Variants in SPHKAP observed in about 807,000 individuals in gnomAD.
SPHKAP encodes the protein A-kinase anchor protein SPHKAP.
In SPHKAP, 67 loss-of-function variants were observed where a neutral mutation model predicts 137.5. That is an observed-to-expected ratio of 0.49 (90% CI 0.40 to 0.60). SPHKAP has a LOEUF of 0.60. Among genes scored for constraint, SPHKAP ranks in the 20% least tolerant of loss-of-function variants. The probability of loss-of-function intolerance (pLI) is 0.00; values close to 1 mark genes in which losing one functional copy is unlikely to be tolerated. For synonymous variants in SPHKAP, 813 were observed against 785.3 expected (o/e 1.04, Z -0.59); for missense variants, 2,097 against 2,069.3 (o/e 1.01, Z -0.26).
intron 11 of SPHKAP, among the ~76,000 whole-genome samples, chr2:227,989,254 G>C (rs577515477): frequency 3.9e-5 from 6 of 152,328 alleles, no homozygotes; most frequent in Non-Finnish European, 7.4e-5. Context: ...CTACTGGGAA[G>C]TATTTTATGG....
intron 7 of SPHKAP, among the ~76,000 whole-genome samples, chr2:228,004,854 T>C (rs1694063697): frequency 6.6e-6 from 1 of 152,232 alleles, no homozygotes; most frequent in Non-Finnish European, 1.5e-5. Flanking sequence ...AGTTTCCATG[T>C]AGTTGATTGG....
intron 1 of SPHKAP, among the ~76,000 whole-genome samples, chr2:228,163,999 C>T (rs1700350874): frequency 6.6e-6 from 1 of 152,008 alleles, no homozygotes; most frequent in Admixed American, 6.6e-5. Flanking sequence ...ATATTTGGGT[C>T]AGTGGACTGG....
At chr2:228,003,013 C>T (rs1420630798) in intron 7 of SPHKAP, among the ~76,000 whole-genome samples, 1 of 152,176 alleles carries the variant, frequency 6.6e-6, no homozygotes, top group African/African-American at 2.4e-5. Context: ...ATGCCTCCAG[C>T]TTTGTTCTTT....
rs1227408626 is a variant in SPHKAP at position 228,181,382 on chromosome 2, T to A, written c.32+185A>T. On this transcript the variant is annotated intron_variant, in intron 1 of 11. Coordinates refer to ENST00000392056, the MANE Select transcript of SPHKAP (RefSeq NM_001142644.2). This position sits in a 1 kb window ranked among gnomAD's most constrained non-coding sequence, Gnocchi z 4.3. ...CTCAGCATCGCGCCCTGTGGGGCAG[T>A]TGACAGGGTCCCCTGTAGCTCCAGC... Among the ~76,000 whole-genome samples, 2 of 152,126 alleles carry A rather than the reference T, an allele frequency of 1.3e-5. No homozygotes were observed. The highest frequency in any genetic ancestry group is 3.9e-4 in the East Asian group (2 of 5,144).
chr2:228,092,295 G>A (rs374341365), intron 3 of SPHKAP, among the ~76,000 whole-genome samples: 22 of 139,480 alleles, frequency 1.6e-4, no homozygotes, highest in African/African-American at 4.6e-4. Flanking sequence ...GTGTATACGT[G>A]CACACACACG....
chr2:228,013,681 A>G (rs375364853), intron 7 of SPHKAP, among the ~76,000 whole-genome samples: 1 of 152,236 alleles, frequency 6.6e-6, no homozygotes. Flanking sequence ...ATTTATGTGC[A>G]TTTCCTTATT....
intron 3 of SPHKAP, among the ~76,000 whole-genome samples, chr2:228,032,245 A>C (rs1289185312): frequency 6.6e-6 from 1 of 152,220 alleles, no homozygotes. Context: ...ACAGAAGCCT[A>C]AGGAGCTGAT....
rs138669363 is a variant in SPHKAP, at chr2:228,023,784, C to T, written c.441+1610G>A. Among the ~76,000 whole-genome samples, 107 of 152,276 alleles carry T rather than the reference C, an allele frequency of 7.0e-4. 1 individual carries two copies. The highest frequency in any genetic ancestry group is 3.4e-3 in the Middle Eastern group (1 of 294). ...CTCAGCAGAGTCCAAGTGATTCACA[C>T]GGAGTTGATTCACTTCCAGCGCCAG... On this transcript the variant is annotated intron_variant, in intron 5 of 11. Transcript: ENST00000392056.
intron 1 of SPHKAP, among the ~76,000 whole-genome samples, chr2:228,145,428 C>T (rs1022975608): frequency 1.3e-5 from 2 of 151,968 alleles, no homozygotes; most frequent in Non-Finnish European, 2.9e-5. Context: ...AAAGAAGAAC[C>T]AAACATGCAG....
chr2:228,056,583 CAA>C (rs35406042), intron 3 of SPHKAP, among the ~76,000 whole-genome samples: 30 of 118,136 alleles, frequency 2.5e-4, no homozygotes, highest in African/African-American at 6.4e-4. Context: ...AGTAAATGAG[CAA>C]AAAAAAAAAA....
chr2:228,010,734 T>C (rs1694337031), intron 7 of SPHKAP, among the ~76,000 whole-genome samples: 1 of 152,248 alleles, frequency 6.6e-6, no homozygotes, highest in African/African-American at 2.4e-5. Flanking sequence ...TTTGTGGTAG[T>C]ATTTTATTGA....
intron 3 of SPHKAP, among the ~76,000 whole-genome samples, chr2:228,078,827 C>T (rs1022363440): frequency 2.0e-5 from 3 of 152,116 alleles, no homozygotes; most frequent in Admixed American, 6.6e-5. Context: ...GGGAAGTGAG[C>T]ACCAGCCTTT....
At chr2:228,032,595 A>G (rs1695380997) in intron 3 of SPHKAP, among the ~76,000 whole-genome samples, 1 of 152,204 alleles carries the variant, frequency 6.6e-6, no homozygotes, top group South Asian at 2.1e-4. Flanking sequence ...CAAAGTTGAA[A>G]TGAAGGAAAA....
At chr2:227,981,953 G>T (rs1693011628) in intron 11 of SPHKAP, 93 bp from the exon 12 acceptor site, 1 of 1,462,986 alleles carries the variant, frequency 6.8e-7, no homozygotes, top group Non-Finnish European at 9.0e-7. Flanking sequence ...TGGCTCTCCA[G>T]TCTCTGTTTA....
At chr2:228,011,150 C>T (rs1256369301) in intron 7 of SPHKAP, among the ~76,000 whole-genome samples, 3 of 151,974 alleles carry the variant, frequency 2.0e-5, no homozygotes, top group Non-Finnish European at 2.9e-5. Context: ...GACAAAAATG[C>T]ATTAGGGTAA....
At chr2:227,984,241 A>G (rs1693122929) in intron 11 of SPHKAP, among the ~76,000 whole-genome samples, 1 of 149,730 alleles carries the variant, frequency 6.7e-6, no homozygotes, top group African/African-American at 2.5e-5. Flanking sequence ...CGGAAGTTGC[A>G]GTGAGCTGAG....
chr2:228,005,656 A>G (rs1315032602), intron 7 of SPHKAP, among the ~76,000 whole-genome samples: 1 of 152,166 alleles, frequency 6.6e-6, no homozygotes, highest in African/African-American at 2.4e-5. Context: ...GATGGTCTTT[A>G]CAATTTGGCA....
chr2:228,037,098 A>G (rs909238079), intron 3 of SPHKAP, among the ~76,000 whole-genome samples: 4 of 152,172 alleles, frequency 2.6e-5, no homozygotes, highest in African/African-American at 7.2e-5. Flanking sequence ...AAACTACTGT[A>G]CAGTTTCTTT....
At chr2:228,060,554 A>G (rs1696599054) in intron 3 of SPHKAP, among the ~76,000 whole-genome samples, 1 of 152,208 alleles carries the variant, frequency 6.6e-6, no homozygotes, top group Non-Finnish European at 1.5e-5. Context: ...TAATAATTGG[A>G]TACATTTTCA....
Sources: allele counts gnomAD v4.1 joint callset (sites outside exome capture counted in the v4.1 genomes callset), GRCh38; gene constraint gnomAD v4.1.1; non-coding constraint Gnocchi (gnomAD v3.1); transcripts MANE v1.5; gene names NCBI Gene and HGNC (gene_info 2026-07-23, HGNC 2026-07-21).